Variants in TMIGD3 observed in about 807,000 individuals in gnomAD.
TMIGD3 encodes AD026 protein (AD026).
TMIGD3 carries 21 observed loss-of-function variants against 28.1 expected under a neutral mutation model. The ratio of observed to expected loss-of-function variants is 0.75; its 90% CI spans 0.53 to 1.08. The LOEUF is 1.08. Ranked by LOEUF, TMIGD3 falls within the 50% of genes least tolerant of loss-of-function variation. The pLI is 0.00. For synonymous variants in TMIGD3, 151 were observed against 162.1 expected, an observed-to-expected ratio of 0.93 and a Z score of 0.52; for missense variants, 416 against 435.6, an observed-to-expected ratio of 0.96 and a Z score of 0.40.
intron 1 of TMIGD3, among the ~76,000 whole-genome samples, chr1:111,527,779 T>C (rs1656319812): frequency 6.6e-6 from 1 of 152,250 alleles, no homozygotes; most frequent in Non-Finnish European, 1.5e-5. Flanking sequence ...CATATGCTTA[T>C]TTGCCATCCT....
chr1:111,492,059 C>T lies in TMIGD3; in HGVS notation c.351-1297G>A, dbSNP rs1174024814. Among the ~76,000 whole-genome samples the T allele has an allele frequency of 4.6e-5, 7 of 152,178 alleles. 1 individual carries two copies. Among genetic ancestry groups the T allele is most frequent in the Admixed American group, 2.6e-4 (4 of 15,288 alleles). On this transcript the variant is annotated intron_variant, in intron 1 of 5. Coordinates refer to ENST00000369716, the MANE Select transcript of TMIGD3 (RefSeq NM_020683.7). ...GCAACTTCCACCCTAGTCTCTCATG[C>T]TGCTCCCTCTTGGGAAAGTCAGCCA...
intron 1 of TMIGD3, among the ~76,000 whole-genome samples, chr1:111,550,227 T>C (rs1252396979): frequency 4.6e-5 from 7 of 152,174 alleles, no homozygotes; most frequent in Admixed American, 3.3e-4. Flanking sequence ...ATTTTTCTGG[T>C]CAGCATGGAT....
At chr1:111,488,094 C>T (rs926964195) in intron 3 of TMIGD3, among the ~76,000 whole-genome samples, 7 of 152,122 alleles carry the variant, frequency 4.6e-5, no homozygotes, top group Non-Finnish European at 1.0e-4. Flanking sequence ...AGTGAGCCAC[C>T]GCACCTGGCT....
chr1:111,550,301 A>G (rs968451822), intron 1 of TMIGD3, among the ~76,000 whole-genome samples: 1 of 152,020 alleles, frequency 6.6e-6, no homozygotes, highest in Non-Finnish European at 1.5e-5. Flanking sequence ...GATTTTCTCT[A>G]ATATTTTTCT....
At chr1:111,506,300 T>C (rs1312509708), upstream of TMIGD3, among the ~76,000 whole-genome samples, 3 of 152,210 alleles carry the variant, frequency 2.0e-5, no homozygotes, top group Admixed American at 6.5e-5. Flanking sequence ...CTTCAGTGAA[T>C]CAGGTGGCAT....
intron 1 of TMIGD3, among the ~76,000 whole-genome samples, chr1:111,526,913 T>C (rs529883442): frequency 6.6e-6 from 1 of 152,282 alleles, no homozygotes; most frequent in East Asian, 1.9e-4. Flanking sequence ...CTTTGCCTTT[T>C]TCAGAATGTC....
chr1:111,540,434 C>A (rs931479708), intron 1 of TMIGD3, among the ~76,000 whole-genome samples: 2 of 152,224 alleles, frequency 1.3e-5, no homozygotes, highest in African/African-American at 2.4e-5. Flanking sequence ...AACTCTTGAG[C>A]CGGGGAGTAT....
rs757606015 is a variant in TMIGD3, at chr1:111,503,221, G to T, written c.134C>A (p.Thr45Asn). The change falls in exon 1 of 6, where the codon ACC becomes AAC. Residue 45 changes from threonine (T) to asparagine (N), a missense_variant. Coordinates refer to ENST00000369716, the MANE Select transcript of TMIGD3 (RefSeq NM_020683.7). ...CVVKLNPSLQ[T>N]TTFYFIVSLA... ...AGAGACAATGAAATAGAAGGTGGTGGTCTGCAGGCTGGGGTTCAGCTTGAC... is the reference window on the plus strand; with the variant it reads ...AGAGACAATGAAATAGAAGGTGGTGTTCTGCAGGCTGGGGTTCAGCTTGAC... 6.2e-7 allele frequency: 1 copy of T among 1,614,260 alleles called. No individual in the cohort carries two copies. The highest frequency in any genetic ancestry group is 8.5e-7 in the Non-Finnish European group (1 of 1,180,052).
At chr1:111,541,605 A>C (rs1007208603) in intron 1 of TMIGD3, among the ~76,000 whole-genome samples, 1 of 152,144 alleles carries the variant, frequency 6.6e-6, no homozygotes, top group Non-Finnish European at 1.5e-5. Flanking sequence ...GTCCATTTGG[A>C]AATCACTCAC....
chr1:111,526,969 T>C (rs1386465169), intron 1 of TMIGD3, among the ~76,000 whole-genome samples: 1 of 152,008 alleles, frequency 6.6e-6, no homozygotes, highest in Non-Finnish European at 1.5e-5. Flanking sequence ...GATAGGCTTT[T>C]TTCAGTTTGT....
intron 1 of TMIGD3, among the ~76,000 whole-genome samples, chr1:111,519,649 A>T (rs1557833287): frequency 2.0e-5 from 3 of 149,246 alleles, no homozygotes; most frequent in Non-Finnish European, 3.0e-5. Flanking sequence ...TTTCTTTATC[A>T]TTTTTTTTGT....
At chr1:111,500,264 A>G (rs1386593594) in intron 1 of TMIGD3, 1 of 1,614,186 alleles carries the variant, frequency 6.2e-7, no homozygotes, top group South Asian at 1.1e-5. Flanking sequence ...GTCTCTTTGG[A>G]GTTAGATAAG....
intron 3 of TMIGD3, among the ~76,000 whole-genome samples, chr1:111,487,423 T>G (rs1654434594): frequency 6.6e-6 from 1 of 152,170 alleles, no homozygotes; most frequent in Non-Finnish European, 1.5e-5. Flanking sequence ...CTGGTTTGTT[T>G]TCCTACCAGC....
chr1:111,484,402 T>C (rs1297202024), intron 5 of TMIGD3, among the ~76,000 whole-genome samples: 1 of 152,122 alleles, frequency 6.6e-6, no homozygotes, highest in African/African-American at 2.4e-5. Flanking sequence ...CCCAGAAAAG[T>C]ATAAAGTTGC....
At chr1:111,542,272 G>GA (rs762640526) in intron 1 of TMIGD3, 32 of 598,318 alleles carry the variant, frequency 5.3e-5, no homozygotes, top group Non-Finnish European at 8.1e-5. Context: ...CGTATTTCAG[G>GA]ATCAGACCTG....
intron 1 of TMIGD3, among the ~76,000 whole-genome samples, chr1:111,538,728 C>T (rs1410173520): frequency 3.3e-5 from 5 of 152,266 alleles, no homozygotes; most frequent in African/African-American, 1.2e-4. Flanking sequence ...CATCTAAATG[C>T]ACTGGGGAAT....
chr1:111,560,545 A>G (rs1458775860), intron 1 of TMIGD3, among the ~76,000 whole-genome samples: 1 of 150,668 alleles, frequency 6.6e-6, no homozygotes, highest in African/African-American at 2.5e-5. Flanking sequence ...CTGGAGTGCA[A>G]TGGCACGATC....
intron 1 of TMIGD3, among the ~76,000 whole-genome samples, chr1:111,492,312 C>T (rs1472125248): frequency 6.6e-6 from 1 of 152,304 alleles, no homozygotes; most frequent in Non-Finnish European, 1.5e-5. Context: ...TTTCAAGCCT[C>T]TAAGTTTCGG....
chr1:111,492,832 AAG>A (rs1373379120), intron 1 of TMIGD3, among the ~76,000 whole-genome samples: 1 of 149,456 alleles, frequency 6.7e-6, no homozygotes, highest in Non-Finnish European at 1.5e-5. Context: ...AAAAAAAAAA[AAG>A]TATCTCTAAA....
Sources: gnomAD v4.1 joint callset for allele counts (sites outside exome capture counted in the v4.1 genomes callset) on GRCh38, gnomAD v4.1.1 for gene constraint, MANE v1.5 for transcripts, NCBI Gene and HGNC (gene_info 2026-07-23, HGNC 2026-07-21) for gene names.